ZCCHC7: variants seen among roughly 807,000 people sequenced by gnomAD.
The protein encoded by ZCCHC7 is zinc finger CCHC domain-containing protein 7.
Under a neutral mutation model 52.0 loss-of-function variants are expected in ZCCHC7, and 35 were observed. That is an observed-to-expected ratio of 0.67 (90% CI 0.51 to 0.89). The LOEUF is 0.89. Among genes scored for constraint, ZCCHC7 ranks in the 40% least tolerant of loss-of-function variants. ZCCHC7 has a pLI of 0.00. For synonymous variants in ZCCHC7, 217 were observed against 221.5 expected, an observed-to-expected ratio of 0.98 and a Z score of 0.18; for missense variants, 574 against 649.1, an observed-to-expected ratio of 0.88 and a Z score of 1.26.
intron 2 of ZCCHC7, among the ~76,000 whole-genome samples, chr9:37,159,186 G>C (rs1190653309): frequency 6.6e-6 from 1 of 152,198 alleles, no homozygotes; most frequent in African/African-American, 2.4e-5. Context: ...GTTAGGTCCA[G>C]AGGAACAGAA....
chr9:37,262,216 A>C (rs1564209614), intron 2 of ZCCHC7, among the ~76,000 whole-genome samples: 1 of 147,162 alleles, frequency 6.8e-6, no homozygotes, highest in East Asian at 2.0e-4. Context: ...GAAAAAGGTG[A>C]TTTTTTTTTT....
chr9:37,276,962 G>A (rs1283166645), intron 2 of ZCCHC7, among the ~76,000 whole-genome samples: 2 of 152,086 alleles, frequency 1.3e-5, no homozygotes, highest in African/African-American at 4.8e-5. Context: ...GTGAAAAATT[G>A]CTAATCACTC....
intron 2 of ZCCHC7, among the ~76,000 whole-genome samples, chr9:37,259,677 G>C (rs370430585): frequency 1.1e-4 from 16 of 152,088 alleles, no homozygotes; most frequent in African/African-American, 3.6e-4. Flanking sequence ...AATCAGTTCT[G>C]TGTATAGATT....
chr9:37,294,866 C>T (rs1828710797), intron 2 of ZCCHC7, among the ~76,000 whole-genome samples: 1 of 152,066 alleles, frequency 6.6e-6, no homozygotes, highest in Non-Finnish European at 1.5e-5. Flanking sequence ...GCCCTTAATA[C>T]AGAGTTTAAA....
intron 2 of ZCCHC7, among the ~76,000 whole-genome samples, chr9:37,148,784 T>C (rs1843556551): frequency 6.6e-6 from 1 of 152,158 alleles, no homozygotes; most frequent in South Asian, 2.1e-4. Flanking sequence ...TCATGTTACT[T>C]TGCACTGTCT....
rs371526695 is a variant in ZCCHC7, at chr9:37,126,587, G to T, written c.255G>T (p.Leu85=). ...TTTCAGATAGTGAGGTCATCCAGCT[G>T]TCAGATGGGTCAGAGGTCATCACTT... ...IVLSDSEVIQ[L]SDGSEVITLS... is the part of the protein sequence containing the mutation. The change falls in exon 2 of 9, where the codon CTG becomes CTT. Residue 85 remains leucine, a synonymous_variant. Transcript: ENST00000336755. 1.2e-6 allele frequency: 2 copies of T among 1,614,190 alleles called. No homozygotes were observed. Among genetic ancestry groups the T allele is most frequent in the East Asian group, 4.5e-5 (2 of 44,880 alleles).
In ZCCHC7 at chr9:37,357,272, G is replaced by A. The variant is rs41278291; in HGVS notation, c.*4G>A. On this transcript the variant is annotated 3_prime_UTR_variant, in exon 9 of 9. Transcript: ENST00000336755. ...GCAGAGAAAAAAAAAGTCTTAAGCCGTCAGGCAGCCTCTGATGTGGCTTTT... is the reference window on the plus strand; with the variant it reads ...GCAGAGAAAAAAAAAGTCTTAAGCCATCAGGCAGCCTCTGATGTGGCTTTT... 181 of 1,582,790 alleles carry A rather than the reference G, an allele frequency of 1.1e-4. 1 individual carries two copies. The highest frequency in any genetic ancestry group is 8.7e-4 in the East Asian group (39 of 44,716).
chr9:37,171,179 C>T (rs1821707162), intron 2 of ZCCHC7, among the ~76,000 whole-genome samples: 1 of 152,132 alleles, frequency 6.6e-6, no homozygotes, highest in Admixed American at 6.5e-5. Context: ...GAAATGTGTA[C>T]AATTGAGTTT....
At chr9:37,217,214 T>G (rs539885999) in intron 2 of ZCCHC7, among the ~76,000 whole-genome samples, 35 of 152,296 alleles carry the variant, frequency 2.3e-4, no homozygotes, top group African/African-American at 8.4e-4. Flanking sequence ...TTACCTTATT[T>G]CTAATTCTTA....
intron 1 of ZCCHC7, 125 bp downstream of exon 1, chr9:37,120,748 C>G (rs555291791): frequency 2.9e-6 from 1 of 349,570 alleles, no homozygotes; most frequent in Non-Finnish European, 5.2e-6. Flanking sequence ...TCCCGTCCGC[C>G]CCTCACTCGT....
chr9:37,182,180 G>A (rs1822390838), intron 2 of ZCCHC7, among the ~76,000 whole-genome samples: 1 of 152,152 alleles, frequency 6.6e-6, no homozygotes, highest in African/African-American at 2.4e-5. Context: ...TTCGAGGCTG[G>A]CCTTTTAATG....
At chr9:37,171,630 G>T (rs1821734419) in intron 2 of ZCCHC7, among the ~76,000 whole-genome samples, 1 of 151,824 alleles carries the variant, frequency 6.6e-6, no homozygotes, top group Non-Finnish European at 1.5e-5. Flanking sequence ...ATCTTGCTCA[G>T]GCTGGTCTCT....
At chr9:37,152,286 A>C (rs542195281) in intron 2 of ZCCHC7, among the ~76,000 whole-genome samples, 110 of 152,128 alleles carry the variant, frequency 7.2e-4, no homozygotes, top group Non-Finnish European at 4.4e-4. Flanking sequence ...GAAAAATTGC[A>C]AAGATAGTGC....
In ZCCHC7 at chr9:37,349,518, C is replaced by T. The variant is rs953382410; in HGVS notation, c.1083+66C>T. On this transcript the variant is annotated intron_variant, in intron 7 of 8. Transcript: ENST00000336755. ...CAGGGAGTGTTTTCTGAAAGATGAA[C>T]TCAAAAAGAATGTAACTCTAAATAC... The T allele has an allele frequency of 3.5e-6, 5 of 1,438,790 alleles. No homozygotes were observed. In the African/African-American group the frequency reaches 5.7e-5, roughly 16 times the overall value. The allele number at this position is 1,438,790 out of a possible 1,614,324, so 89.1% of individuals were successfully genotyped here. A position where few individuals can be genotyped will look rare whatever the true frequency, so the allele number is the denominator to read the frequency against.
Position 37,345,807 on chromosome 9 carries a change from G to A in ZCCHC7, c.988-3550G>A, listed in dbSNP as rs189543135. 3.3e-3 allele frequency among the ~76,000 whole-genome samples: 499 copies of A among 151,972 alleles called. 3 individuals carry two copies. The highest frequency in any genetic ancestry group is 4.6e-3 in the Non-Finnish European group (315 of 67,964). On this transcript the variant is annotated intron_variant, in intron 6 of 8. Transcript: ENST00000336755. ...TTTAATTGCAGAATATAAAACGGTT[G>A]TTATTTTTATTATATCTCAATTGAT...
intron 2 of ZCCHC7, among the ~76,000 whole-genome samples, chr9:37,237,860 A>G (rs1825723733): frequency 6.6e-6 from 1 of 152,202 alleles, no homozygotes; most frequent in Admixed American, 6.5e-5. Flanking sequence ...TTGCTGGATC[A>G]CAGCATTATA....
At chr9:37,331,907 T>C (rs1168991676) in intron 6 of ZCCHC7, among the ~76,000 whole-genome samples, 1 of 151,610 alleles carries the variant, frequency 6.6e-6, no homozygotes, top group Non-Finnish European at 1.5e-5. Flanking sequence ...GGTTACATAC[T>C]GTCTTGTAAA....
chr9:37,155,692 T>C (rs1820778958), intron 2 of ZCCHC7, among the ~76,000 whole-genome samples: 1 of 152,252 alleles, frequency 6.6e-6, no homozygotes, highest in African/African-American at 2.4e-5. Flanking sequence ...TCTCAGATAA[T>C]AGCCTTGTAA....
At chr9:37,277,872 G>A (rs1269940583) in intron 2 of ZCCHC7, among the ~76,000 whole-genome samples, 4 of 151,978 alleles carry the variant, frequency 2.6e-5, no homozygotes, top group Non-Finnish European at 5.9e-5. Context: ...TTCACAAGAT[G>A]TAGAATACAA....
Sources: allele counts gnomAD v4.1 joint callset (sites outside exome capture counted in the v4.1 genomes callset), GRCh38; gene constraint gnomAD v4.1.1; transcripts MANE v1.5; gene names NCBI Gene and HGNC (gene_info 2026-07-23, HGNC 2026-07-21).